MYO18A: variants seen among roughly 807,000 people sequenced by gnomAD.
MYO18A encodes the protein unconventional myosin-XVIIIa.
MYO18A carries 78 observed loss-of-function variants against 235.8 expected under a neutral mutation model. The ratio of observed to expected loss-of-function variants is 0.33; its 90% CI spans 0.28 to 0.40. The LOEUF (loss-of-function observed/expected upper bound fraction) is 0.40. Ranked by LOEUF, MYO18A falls within the 10% of genes least tolerant of loss-of-function variation. The pLI is 1.00. For synonymous variants in MYO18A, 977 were observed against 1,077.8 expected, an observed-to-expected ratio of 0.91 and a Z score of 1.83; for missense variants, 2,215 against 2,699.3, an observed-to-expected ratio of 0.82 and a Z score of 3.98.
intron 1 of MYO18A, among the ~76,000 whole-genome samples, chr17:29,178,684 C>T (rs1567654459): frequency 2.0e-5 from 3 of 152,180 alleles, no homozygotes; most frequent in Admixed American, 6.5e-5. Flanking sequence ...AAGCCAGAGA[C>T]CTCAGGAGAG....
intron 2 of MYO18A, among the ~76,000 whole-genome samples, chr17:29,127,656 C>T (rs902759311): frequency 3.9e-5 from 6 of 152,250 alleles, no homozygotes; most frequent in African/African-American, 1.4e-4. Flanking sequence ...CAGGCCAGAG[C>T]CCAGGCAACT....
In MYO18A at chr17:29,082,577, TGA is replaced by T. The variant is rs2066148119; in HGVS notation, c.5898-141_5898-140del. 1.1e-5 allele frequency: 9 copies of T among 809,388 alleles called. No homozygotes were observed. The South Asian group carries it at 1.2e-4, about 11-fold the overall frequency. 50.1% of individuals were successfully genotyped at this position (809,388 alleles called of 1,614,324 possible). On this transcript the variant is annotated intron_variant, in intron 40 of 41. Transcript: ENST00000527372. ...CGTCGGTGAGTCGGGAGGGCGGGAA[TGA>T]GAGAGGTTAGACAGAGCACACCATT...
At chr17:29,153,341 C>T (rs2152952786) in intron 2 of MYO18A, among the ~76,000 whole-genome samples, 1 of 151,974 alleles carries the variant, frequency 6.6e-6, no homozygotes, top group African/African-American at 2.4e-5. Context: ...GCTTGTCTCA[C>T]TATGTTGCCC....
intron 2 of MYO18A, among the ~76,000 whole-genome samples, chr17:29,161,355 C>CAAA (rs1175565325): frequency 2.0e-5 from 1 of 50,290 alleles, no homozygotes; most frequent in Admixed American, 2.2e-4. Context: ...AACTCCATGT[C>CAAA]AAAAAAAAAA....
At chr17:29,084,043 C>T (rs1019470020) in intron 40 of MYO18A, among the ~76,000 whole-genome samples, 1 of 152,196 alleles carries the variant, frequency 6.6e-6, no homozygotes, top group East Asian at 1.9e-4. Context: ...ATTTCTCTGC[C>T]TGCCTTACTG....
chr17:29,133,807 C>T (rs1468971020), intron 2 of MYO18A: 8 of 1,289,190 alleles, frequency 6.2e-6, no homozygotes, highest in Non-Finnish European at 8.1e-6. Context: ...CCTTTTGCTC[C>T]CAGAAGGCGA....
At chr17:29,099,493 G>T in intron 22 of MYO18A, 141 bp downstream of exon 22, 2 of 1,149,426 alleles carry the variant, frequency 1.7e-6, no homozygotes, top group Non-Finnish European at 1.2e-6. Flanking sequence ...TGGCACCAGG[G>T]AGCTGCCTGT....
chr17:29,088,213 C>A (rs947460244), intron 37 of MYO18A, among the ~76,000 whole-genome samples: 4 of 151,896 alleles, frequency 2.6e-5, no homozygotes, highest in Non-Finnish European at 5.9e-5. Context: ...CGCCACCACG[C>A]CCGGCTAATG....
chr17:29,091,025 T>C, intron 34 of MYO18A, 99 bp from the exon 35 acceptor site: 1 of 953,388 alleles, frequency 1.0e-6, no homozygotes, highest in East Asian at 2.4e-5. Context: ...AAGATGATAA[T>C]GGGCTGAGCC....
Position 29,114,071 on chromosome 17 carries a change from G to A in MYO18A, c.2538C>T (p.Asp846=), listed in dbSNP as rs35930200. The stretch of plus-strand genomic sequence containing the variant: ...CAGAGTCATCCGTCGGGGGTTCCAA[G>A]TCGTCAAACGCCAGCTCGATGTTCT... The part of the protein sequence containing the change: ...KEENIELAFD[D]LEPPTDDSVA... The change falls in exon 15 of 42, where the codon GAC becomes GAT. Residue 846 remains aspartate, a synonymous_variant. Coordinates refer to ENST00000527372, the MANE Select transcript of MYO18A (RefSeq NM_078471.4). The A allele has an allele frequency of 1.1e-3, 1,717 of 1,601,614 alleles. 21 individuals are homozygous for A. The African/African-American group carries it at 0.021, about 19-fold the overall frequency.
chr17:29,130,480 A>T (rs879729946), intron 2 of MYO18A, among the ~76,000 whole-genome samples: 5,148 of 30,930 alleles, frequency 0.17, 167 homozygotes, highest in East Asian at 0.39. Context: ...TCTCCCACAC[A>T]CACACACACA....
intron 21 of MYO18A, among the ~76,000 whole-genome samples, chr17:29,102,908 C>T (rs2066690186): frequency 6.6e-6 from 1 of 152,234 alleles, no homozygotes; most frequent in South Asian, 2.1e-4. Context: ...TCTGGCTCTC[C>T]ACTGGCCTCC....
In MYO18A at chr17:29,096,935, G is replaced by A; in HGVS notation, c.4231-20C>T. On this transcript the variant is annotated intron_variant, in intron 27 of 41. Coordinates refer to ENST00000527372, the MANE Select transcript of MYO18A (RefSeq NM_078471.4). ...CCCGAGCTAGGGGCCAAGATGGGGTGCATATACAGAGAGACCCAGAAGCAT... is the reference window on the plus strand; with the variant it reads ...CCCGAGCTAGGGGCCAAGATGGGGTACATATACAGAGAGACCCAGAAGCAT... 2.0e-6 allele frequency: 3 copies of A among 1,537,450 alleles called. No homozygotes were observed. The highest frequency in any genetic ancestry group is 1.2e-5 in the South Asian group (1 of 81,658).
chr17:29,128,082 C>A, intron 2 of MYO18A: 15 of 1,028,406 alleles, frequency 1.5e-5, no homozygotes, highest in Non-Finnish European at 1.8e-5. Context: ...GACTGCTTGC[C>A]GCGGGCCTTG....
At chr17:29,175,065 C>T (rs1376216237) in intron 1 of MYO18A, among the ~76,000 whole-genome samples, 1 of 151,984 alleles carries the variant, frequency 6.6e-6, no homozygotes, top group Non-Finnish European at 1.5e-5. Flanking sequence ...GGGGAGGAGA[C>T]TGGAATTTTA....
chr17:29,090,502 C>T, intron 36 of MYO18A, 30 bp downstream of exon 36: 1 of 1,560,224 alleles, frequency 6.4e-7, no homozygotes, highest in Non-Finnish European at 8.7e-7. Context: ...CTGGCACTCT[C>T]TCTCTCCTGA....
chr17:29,093,162 T>G (rs918683667), intron 32 of MYO18A, among the ~76,000 whole-genome samples, 161 bp from the exon 33 acceptor site: 1 of 152,152 alleles, frequency 6.6e-6, no homozygotes, highest in African/African-American at 2.4e-5. Flanking sequence ...GGTGTGCCAA[T>G]GTATGGTGAT....
intron 2 of MYO18A, among the ~76,000 whole-genome samples, chr17:29,162,973 T>C (rs1273761277): frequency 6.6e-6 from 1 of 152,160 alleles, no homozygotes. Context: ...AAACAGGCCA[T>C]GGAGAGGAGC....
rs542602696 is a variant in MYO18A, at chr17:29,086,285, G to A, written c.5852+153C>T. 1.1e-3 allele frequency among the ~76,000 whole-genome samples: 168 copies of A among 152,316 alleles called. 1 individual carries two copies. Among genetic ancestry groups the A allele is most frequent in the African/African-American group, 3.1e-3 (128 of 41,564 alleles). ...CTCACCGTCTGCCCCTGCAGGACAG[G>A]CTGTGCTGGGATCTGGCAGTAAAGG... On this transcript the variant is annotated intron_variant, in intron 39 of 41. Coordinates refer to ENST00000527372, the MANE Select transcript of MYO18A (RefSeq NM_078471.4).
Sources: allele counts gnomAD v4.1 joint callset (sites outside exome capture counted in the v4.1 genomes callset), GRCh38; gene constraint gnomAD v4.1.1; transcripts MANE v1.5; gene names NCBI Gene and HGNC (gene_info 2026-07-23, HGNC 2026-07-21).